SLC35F4: variants seen among roughly 807,000 people sequenced by gnomAD.
SLC35F4 encodes the protein chromosome 14 open reading frame 36.
A neutral mutation model predicts 44.2 loss-of-function variants in SLC35F4; 24 were observed. The observed-to-expected ratio is 0.54, with a 90% CI of 0.39 to 0.76. The LOEUF (loss-of-function observed/expected upper bound fraction) is 0.76, where lower values mean the gene tolerates loss of function less well. SLC35F4 is among the 30% of genes least tolerant of loss of function. The pLI is 0.00. For synonymous variants in SLC35F4, 238 were observed against 223.6 expected, an observed-to-expected ratio of 1.06 and a Z score of -0.57; for missense variants, 562 against 586.1, an observed-to-expected ratio of 0.96 and a Z score of 0.42.
intron 1 of SLC35F4, among the ~76,000 whole-genome samples, chr14:57,963,712 C>CTTTTT (rs68101912): frequency 3.2e-5 from 1 of 31,254 alleles, no homozygotes; most frequent in Non-Finnish European, 6.3e-5. Flanking sequence ...ATTCTAGCTC[C>CTTTTT]TTTTTTTTTT....
intron 1 of SLC35F4, among the ~76,000 whole-genome samples, chr14:57,693,391 G>A (rs904729894): frequency 1.3e-5 from 2 of 151,442 alleles, no homozygotes; most frequent in Non-Finnish European, 2.9e-5. Context: ...CGCCCACACT[G>A]GAAGGTTGTG....
intron 1 of SLC35F4, among the ~76,000 whole-genome samples, chr14:57,964,359 C>T (rs1002424656): frequency 6.6e-6 from 1 of 151,776 alleles, no homozygotes; most frequent in African/African-American, 2.4e-5. Flanking sequence ...GAAAGATGTA[C>T]TTTGATTGTG....
At chr14:57,836,398 T>A (rs2140948666) in intron 1 of SLC35F4, among the ~76,000 whole-genome samples, 1 of 152,302 alleles carries the variant, frequency 6.6e-6, no homozygotes, top group East Asian at 1.9e-4. Flanking sequence ...GTTCAAGTGA[T>A]TCTCCTGCCT....
At chr14:57,795,026 T>G (rs1369568652) in intron 1 of SLC35F4, among the ~76,000 whole-genome samples, 1 of 152,114 alleles carries the variant, frequency 6.6e-6, no homozygotes, top group African/African-American at 2.4e-5. Context: ...GGAAGCCAAA[T>G]TTTCCTCATC....
At chr14:57,932,786 T>G (rs1232290361) in intron 1 of SLC35F4, among the ~76,000 whole-genome samples, 14 of 152,012 alleles carry the variant, frequency 9.2e-5, no homozygotes. Flanking sequence ...GGGGCAGAGG[T>G]TGCAGTGAGC....
intron 1 of SLC35F4, among the ~76,000 whole-genome samples, chr14:57,678,138 C>T (rs150005317): frequency 1.3e-5 from 2 of 151,958 alleles, no homozygotes; most frequent in Non-Finnish European, 2.9e-5. Flanking sequence ...GTTGGGGTAC[C>T]CACAAAGGGA....
intron 1 of SLC35F4, among the ~76,000 whole-genome samples, chr14:57,775,635 A>G (rs74483294): frequency 6.6e-6 from 1 of 152,346 alleles, no homozygotes; most frequent in African/African-American, 2.4e-5. Flanking sequence ...GGATAACAGA[A>G]ATAAAATCCA....
intron 1 of SLC35F4, among the ~76,000 whole-genome samples, chr14:57,928,580 T>C (rs778802943): frequency 6.6e-6 from 1 of 152,196 alleles, no homozygotes; most frequent in Non-Finnish European, 1.5e-5. Flanking sequence ...GGCAGTGTGG[T>C]GTGCGATAAA....
At chr14:57,663,684 G>A (rs1471685391) in intron 1 of SLC35F4, among the ~76,000 whole-genome samples, 1 of 152,154 alleles carries the variant, frequency 6.6e-6, no homozygotes, top group Non-Finnish European at 1.5e-5. Flanking sequence ...TTCTAGCAAT[G>A]GAAAGAGCCA....
At chr14:57,760,818 CAAT>C (rs2077106118) in intron 1 of SLC35F4, among the ~76,000 whole-genome samples, 2 of 152,240 alleles carry the variant, frequency 1.3e-5, no homozygotes, top group South Asian at 4.1e-4. Context: ...TCTCAGATAC[CAAT>C]AATCATGTAA....
intron 1 of SLC35F4, among the ~76,000 whole-genome samples, chr14:57,839,060 T>C (rs1885228693): frequency 6.6e-6 from 1 of 152,122 alleles, no homozygotes; most frequent in Non-Finnish European, 1.5e-5. Flanking sequence ...GGTTAAGTCA[T>C]TTAATGTCAG....
chr14:57,832,461 A>T (rs1398957961), intron 1 of SLC35F4, among the ~76,000 whole-genome samples: 1 of 152,198 alleles, frequency 6.6e-6, no homozygotes, highest in African/African-American at 2.4e-5. Flanking sequence ...TAGTTAAGAA[A>T]ATTATATTGT....
rs1950292 is a variant in SLC35F4 at position 57,926,819 on chromosome 14, G to T, written n.282+55094C>A. Among the ~76,000 whole-genome samples, 3,492 of 151,962 alleles carry T rather than the reference G, an allele frequency of 0.023. 426 individuals carry two copies. In the East Asian group the frequency reaches 0.39, roughly 17 times the overall value. ...TGACTCACACACCCTTGGCCGACTTGGAGAAGATATCACCAGTGTTTCCAA... is the reference window on the plus strand; with the variant it reads ...TGACTCACACACCCTTGGCCGACTTTGAGAAGATATCACCAGTGTTTCCAA... On this transcript the variant is annotated intron_variant and non_coding_transcript_variant, in intron 1 of 1. Transcript: ENST00000556568.
chr14:57,698,694 G>A (rs12050090), intron 1 of SLC35F4, among the ~76,000 whole-genome samples: 20,197 of 150,970 alleles, frequency 0.13, 1,622 homozygotes, highest in African/African-American at 0.22. Flanking sequence ...CTGGAGTGCA[G>A]TGGCATGATC....
intron 1 of SLC35F4, among the ~76,000 whole-genome samples, chr14:57,723,456 A>G (rs746423187): frequency 3.3e-5 from 5 of 152,094 alleles, no homozygotes; most frequent in Admixed American, 6.5e-5. Context: ...TCCCTGTTCA[A>G]CTCTCCCATT....
chr14:57,862,260 T>C (rs990312080), intron 1 of SLC35F4, among the ~76,000 whole-genome samples: 1 of 152,190 alleles, frequency 6.6e-6, no homozygotes. Flanking sequence ...TCTGACCACC[T>C]TTCTCTTCTT....
chr14:57,966,349 T>G (rs1299725361), intron 1 of SLC35F4, among the ~76,000 whole-genome samples: 2 of 152,248 alleles, frequency 1.3e-5, no homozygotes, highest in Non-Finnish European at 2.9e-5. Flanking sequence ...AATTGGGAAT[T>G]CTGTAATATA....
At chr14:57,864,734 G>A (rs1241303577) in intron 1 of SLC35F4, among the ~76,000 whole-genome samples, 1 of 152,152 alleles carries the variant, frequency 6.6e-6, no homozygotes, top group Non-Finnish European at 1.5e-5. Flanking sequence ...CATCAATTAA[G>A]CTTCATCTGT....
chr14:57,787,081 G>C (rs1266137525), intron 1 of SLC35F4, among the ~76,000 whole-genome samples: 3 of 152,108 alleles, frequency 2.0e-5, no homozygotes, highest in Admixed American at 2.0e-4. Context: ...GCAAAAATTC[G>C]AGAAACTTTG....
Sources: allele counts gnomAD v4.1 joint callset (sites outside exome capture counted in the v4.1 genomes callset), GRCh38; gene constraint gnomAD v4.1.1; transcripts MANE v1.5; gene names NCBI Gene and HGNC (gene_info 2026-07-23, HGNC 2026-07-21).